The following C12orf75 variants were observed in gnomAD, a reference collection of about 807,000 sequenced individuals.
The protein encoded by C12orf75 is chromosome 12 open reading frame 75, also known as overexpressed in colon carcinoma 1 protein.
C12orf75 carries 4 observed loss-of-function variants against 11.4 expected under a neutral mutation model. The ratio of observed to expected loss-of-function variants is 0.35; its 90% CI spans 0.17 to 0.80. The LOEUF (loss-of-function observed/expected upper bound fraction) is 0.80, where lower values mean the gene tolerates loss of function less well. Ranked by LOEUF, C12orf75 falls within the 30% of genes least tolerant of loss-of-function variation. C12orf75 has a pLI of 0.52. For missense variants in C12orf75, 89 were observed against 80.4 expected (o/e 1.11, Z -0.41); for synonymous variants, 30 against 30.0 (o/e 1.00, Z 0.00).
intron 2 of C12orf75, among the ~76,000 whole-genome samples, chr12:105,363,242 C>T (rs1892898338): frequency 6.6e-6 from 1 of 152,244 alleles, no homozygotes; most frequent in Non-Finnish European, 1.5e-5. Context: ...CATGGATGCA[C>T]GTGCAGTGTC....
rs879487922 is a variant in C12orf75 at position 105,357,805 on chromosome 12, TGTGAGA to T, written c.72-8000_72-7995del. Among the ~76,000 whole-genome samples the T allele has an allele frequency of 4.9e-3, 702 of 142,784 alleles. 2 individuals are homozygous for T. Among genetic ancestry groups the T allele is most frequent in the Non-Finnish European group, 7.0e-3 (461 of 66,232 alleles). 93.7% of individuals were successfully genotyped at this position (142,784 alleles called of 152,430 possible). A position where few individuals can be genotyped will look rare whatever the true frequency, so the allele number is the denominator to read the frequency against. On this transcript the variant is annotated intron_variant, in intron 2 of 5. Coordinates refer to ENST00000443585, the MANE Select transcript of C12orf75 (RefSeq NM_001145199.2). ...GTGTGTGTGTGTGTGTGTGTGTGTG[TGTGAGA>T]GAGAGAGAGAGAGAGAGAGGAGAGA...
rs181790182 is a variant in C12orf75 at position 105,348,168 on chromosome 12, A to G, written c.47-434A>G. Among the ~76,000 whole-genome samples the G allele has an allele frequency of 2.0e-3, 302 of 152,280 alleles. 4 individuals are homozygous for G. Among genetic ancestry groups the G allele is most frequent in the Non-Finnish European group, 4.1e-4 (28 of 68,016 alleles). ...AGTGGCTCATGCCTGTAATCCTAGC[A>G]CTTTGGGCAATCAAGGTGGGAGGAT... On this transcript the variant is annotated intron_variant, in intron 1 of 5. Transcript: ENST00000443585.
At chr12:105,341,781 C>T (rs1892577513) in intron 1 of C12orf75, among the ~76,000 whole-genome samples, 1 of 152,170 alleles carries the variant, frequency 6.6e-6, no homozygotes, top group African/African-American at 2.4e-5. Flanking sequence ...CCAAATCTCA[C>T]CTTGAATTGT....
At chr12:105,344,462 G>C (rs1892610911) in intron 1 of C12orf75, among the ~76,000 whole-genome samples, 1 of 152,140 alleles carries the variant, frequency 6.6e-6, no homozygotes, top group Non-Finnish European at 1.5e-5. Flanking sequence ...TGAGGACTCG[G>C]CCGGGTGTAG....
intron 2 of C12orf75, among the ~76,000 whole-genome samples, chr12:105,350,100 T>C (rs1892691929): frequency 6.6e-6 from 1 of 152,238 alleles, no homozygotes; most frequent in South Asian, 2.1e-4. Context: ...TACTGCACCC[T>C]GACCGTATTC....
chr12:105,365,346 T>C (rs1249974041), intron 2 of C12orf75, among the ~76,000 whole-genome samples: 1 of 152,162 alleles, frequency 6.6e-6, no homozygotes, highest in Non-Finnish European at 1.5e-5. Context: ...TGAAGTGTCA[T>C]AAGAGATCTA....
chr12:105,367,467 T>G lies in C12orf75; in HGVS notation c.188-5T>G. 1.2e-6 allele frequency: 1 copy of G among 840,348 alleles called. No individual in the cohort carries two copies. Among genetic ancestry groups the G allele is most frequent in the Non-Finnish European group, 1.8e-6 (1 of 550,930 alleles). 52.1% of individuals were successfully genotyped at this position (840,348 alleles called of 1,614,324 possible). On this transcript the variant is annotated splice_polypyrimidine_tract_variant and splice_region_variant and intron_variant, in intron 4 of 5. Transcript: ENST00000443585. ...CATTTAACTTTTCTTAATTTTCTCT[T>G]TAAGATTAGAAGAAAATAACATCAT...
intron 1 of C12orf75, among the ~76,000 whole-genome samples, chr12:105,331,239 C>T (rs1184500900): frequency 6.6e-6 from 1 of 151,864 alleles, no homozygotes; most frequent in Non-Finnish European, 1.5e-5. Flanking sequence ...CAGGGCTCTC[C>T]TGGGGGAGAG....
In C12orf75 at chr12:105,330,907, T is replaced by C. The variant is rs190038205; in HGVS notation, c.16T>C (p.Ser6Pro). The C allele has an allele frequency of 8.0e-7, 1 of 1,243,628 alleles. No individual in the cohort carries two copies. The highest frequency in any genetic ancestry group is 1.0e-6 in the Non-Finnish European group (1 of 996,256). The allele number at this position is 1,243,628 out of a possible 1,614,324, so 77.0% of individuals were successfully genotyped here. A position where few individuals can be genotyped will look rare whatever the true frequency, so the allele number is the denominator to read the frequency against. Residue 6 changes from serine (S) to proline (P), a missense_variant, in exon 1 of 6, where the codon TCC becomes CCC. Ser to Pro is a moderately conservative substitution (Grantham distance 74, BLOSUM62 -1). Transcript: ENST00000443585. Reference protein sequence around the residue: MGCGNSTATSAGAGQG... With the variant: MGCGNPTATSAGAGQG... ...CGGCTGCGCGATGGGCTGCGGGAAC[T>C]CCACCGCCACCAGCGCGGGCGCGGG... is the stretch of plus-strand genomic sequence containing the variant.
chr12:105,336,869 G>T (rs1892505696), intron 1 of C12orf75, among the ~76,000 whole-genome samples: 1 of 152,170 alleles, frequency 6.6e-6, no homozygotes, highest in Non-Finnish European at 1.5e-5. Context: ...GAGGTGTGGA[G>T]ACCCCTCTGC....
At chr12:105,360,579 C>T (rs1352772889) in intron 2 of C12orf75, among the ~76,000 whole-genome samples, 2 of 152,210 alleles carry the variant, frequency 1.3e-5, no homozygotes, top group African/African-American at 4.8e-5. Flanking sequence ...CTGTGGGCAC[C>T]TCAGTTCCCC....
intron 2 of C12orf75, among the ~76,000 whole-genome samples, chr12:105,356,140 G>A (rs76495290): frequency 0.055 from 8,355 of 152,308 alleles, 281 homozygotes; most frequent in African/African-American, 0.074. Flanking sequence ...AATTCATTGT[G>A]TAATTAAGGG....
intron 2 of C12orf75, among the ~76,000 whole-genome samples, chr12:105,352,948 A>C (rs553344954): frequency 4.0e-4 from 61 of 152,336 alleles, no homozygotes; most frequent in South Asian, 2.1e-3. Context: ...CACACTGAAC[A>C]AAACAAACAA....
chr12:105,348,100 A>C (rs759838777), intron 1 of C12orf75, among the ~76,000 whole-genome samples: 6 of 152,246 alleles, frequency 3.9e-5, no homozygotes, highest in East Asian at 1.9e-4. Context: ...TTTGAAACTT[A>C]AACTAAATTT....
At chr12:105,347,826 G>C (rs765217806) in intron 1 of C12orf75, among the ~76,000 whole-genome samples, 1 of 152,202 alleles carries the variant, frequency 6.6e-6, no homozygotes, top group Non-Finnish European at 1.5e-5. Flanking sequence ...GACTCTTTTT[G>C]GAGCTAGGCT....
At chr12:105,342,468 G>A (rs1208187348) in intron 1 of C12orf75, among the ~76,000 whole-genome samples, 2 of 152,190 alleles carry the variant, frequency 1.3e-5, no homozygotes, top group African/African-American at 2.4e-5. Context: ...CCTCTAGACT[G>A]TAAGAAATAC....
At chr12:105,334,341 A>G (rs1892474271) in intron 1 of C12orf75, among the ~76,000 whole-genome samples, 1 of 152,254 alleles carries the variant, frequency 6.6e-6, no homozygotes, top group East Asian at 1.9e-4. Flanking sequence ...TAAGCAATTG[A>G]GAATCACTGC....
intron 2 of C12orf75, among the ~76,000 whole-genome samples, chr12:105,359,636 T>G (rs926683153): frequency 1.1e-4 from 16 of 151,764 alleles, no homozygotes; most frequent in African/African-American, 3.9e-4. Flanking sequence ...TCAGGCGTGG[T>G]GGTGTGTGCC....
intron 1 of C12orf75, among the ~76,000 whole-genome samples, chr12:105,335,324 C>CTGTAAA (rs1892487082): frequency 6.6e-6 from 1 of 152,174 alleles, no homozygotes; most frequent in Non-Finnish European, 1.5e-5. Flanking sequence ...TTAATTACAT[C>CTGTAAA]TGTAAATGGT....
Sources: gnomAD v4.1 joint callset for allele counts (sites outside exome capture counted in the v4.1 genomes callset) on GRCh38, gnomAD v4.1.1 for gene constraint, MANE v1.5 for transcripts, NCBI Gene and HGNC (gene_info 2026-07-23, HGNC 2026-07-21) for gene names.